Variants in TENM2 observed in about 807,000 individuals in gnomAD.
TENM2 encodes the protein teneurin-2.
TENM2 carries 52 observed loss-of-function variants against 245.2 expected under a neutral mutation model. The observed-to-expected ratio is 0.21, with a 90% CI of 0.17 to 0.27. The LOEUF is 0.27. Among genes scored for constraint, TENM2 ranks in the 10% least tolerant of loss-of-function variants. The pLI is 1.00. For missense variants in TENM2, 3,046 were observed against 3,666.8 expected, an observed-to-expected ratio of 0.83 and a Z score of 4.37; for synonymous variants, 1,363 against 1,438.9, an observed-to-expected ratio of 0.95 and a Z score of 1.19.
intron 2 of TENM2, among the ~76,000 whole-genome samples, chr5:167,623,218 G>C (rs1007047235): frequency 2.0e-5 from 3 of 152,024 alleles, no homozygotes; most frequent in African/African-American, 7.2e-5. Context: ...GAAATAAAAA[G>C]GAGACTGCAT....
chr5:167,265,482 A>T, the TENM2 span, among the ~76,000 whole-genome samples: 3 of 152,036 alleles, frequency 2.0e-5, no homozygotes, highest in African/African-American at 7.2e-5. Context: ...GTGGCTTCTT[A>T]TATTGAGCTT....
At chr5:167,705,190 A>G (rs938338621) in intron 2 of TENM2, among the ~76,000 whole-genome samples, 6 of 152,224 alleles carry the variant, frequency 3.9e-5, no homozygotes, top group African/African-American at 1.4e-4. Flanking sequence ...CTTTGTCCCT[A>G]TAGTAACCCT....
intron 4 of TENM2, among the ~76,000 whole-genome samples, chr5:167,954,525 G>A (rs866315226): frequency 8.5e-5 from 13 of 152,090 alleles, no homozygotes; most frequent in African/African-American, 1.4e-4. Flanking sequence ...GTGCAGGTTC[G>A]TTACATAGGT....
chr5:168,261,999 G>C, intron 28 of TENM2, 50 bp from the exon 31 acceptor site: 2 of 1,565,502 alleles, frequency 1.3e-6, no homozygotes, highest in Non-Finnish European at 8.7e-7. Flanking sequence ...CTTTTTGAGA[G>C]AGCTGCCCAG....
intron 4 of TENM2, among the ~76,000 whole-genome samples, chr5:167,972,320 A>G (rs1781852281): frequency 6.6e-6 from 1 of 152,224 alleles, no homozygotes; most frequent in African/African-American, 2.4e-5. Flanking sequence ...AATCATATAC[A>G]TATCATTTGG....
chr5:167,711,476 C>T (rs888486460), intron 2 of TENM2, among the ~76,000 whole-genome samples: 4 of 152,184 alleles, frequency 2.6e-5, no homozygotes, highest in African/African-American at 7.2e-5. Flanking sequence ...CCATCCTTTT[C>T]GGCCTGGACC....
chr5:168,125,423 T>G (rs1367218295), intron 11 of TENM2, among the ~76,000 whole-genome samples: 3 of 152,188 alleles, frequency 2.0e-5, no homozygotes, highest in Non-Finnish European at 4.4e-5. Context: ...CTCGGGGTGC[T>G]GCGTGAACAT....
chr5:167,463,023 TG>T, intron 2 of TENM2, among the ~76,000 whole-genome samples: 1 of 152,266 alleles, frequency 6.6e-6, no homozygotes, highest in Non-Finnish European at 1.5e-5. Context: ...AAGAGGATAT[TG>T]GATGCTTTTT....
chr5:167,839,781 G>A (rs1206167036), intron 2 of TENM2, among the ~76,000 whole-genome samples: 6 of 152,102 alleles, frequency 3.9e-5, no homozygotes, highest in African/African-American at 1.4e-4. Context: ...ATTTTCCAAT[G>A]TTAGGAAAAA....
At chr5:167,154,324 G>A in the TENM2 span, among the ~76,000 whole-genome samples, 8 of 152,090 alleles carry the variant, frequency 5.3e-5, no homozygotes, top group South Asian at 1.0e-3. Context: ...TACTTTTATC[G>A]TTTACTGGCA....
At chr5:167,762,305 G>A (rs1287403741) in intron 2 of TENM2, among the ~76,000 whole-genome samples, 2 of 152,098 alleles carry the variant, frequency 1.3e-5, no homozygotes, top group African/African-American at 4.8e-5. Flanking sequence ...CTTAGGTGTG[G>A]GAGAACTTAT....
chr5:167,372,261 A>G (rs1282656704), intron 1 of TENM2, among the ~76,000 whole-genome samples: 1 of 152,102 alleles, frequency 6.6e-6, no homozygotes, highest in Non-Finnish European at 1.5e-5. Flanking sequence ...CTTAAAGTGC[A>G]CTTTTTCTTT....
At chr5:168,170,160 A>G (rs879324593) in intron 13 of TENM2, among the ~76,000 whole-genome samples, 2 of 152,162 alleles carry the variant, frequency 1.3e-5, no homozygotes, top group Admixed American at 6.5e-5. Context: ...CTGTTTAGAA[A>G]ACTGTAAGGT....
intron 2 of TENM2, among the ~76,000 whole-genome samples, chr5:167,481,020 C>T (rs548210871): frequency 2.0e-5 from 3 of 152,252 alleles, no homozygotes; most frequent in East Asian, 1.9e-4. Context: ...AATTTCTTTC[C>T]GATTCTACAA....
At chr5:167,236,404 C>A in the TENM2 span, among the ~76,000 whole-genome samples, 1 of 151,962 alleles carries the variant, frequency 6.6e-6, no homozygotes, top group African/African-American at 2.4e-5. Flanking sequence ...TTGAAGTAAC[C>A]TCTGAGAAAG....
chr5:167,983,053 C>T (rs1030543356), intron 4 of TENM2, among the ~76,000 whole-genome samples: 2 of 152,012 alleles, frequency 1.3e-5, no homozygotes, highest in Admixed American at 1.3e-4. Context: ...TAGTGCATAG[C>T]GAATTCAAGG....
intron 2 of TENM2, among the ~76,000 whole-genome samples, chr5:167,430,311 C>T (rs1053652059): frequency 1.5e-4 from 23 of 152,218 alleles, no homozygotes; most frequent in Admixed American, 2.6e-4. Flanking sequence ...CAAACTCGTA[C>T]GGTAGAGATT....
intron 2 of TENM2, among the ~76,000 whole-genome samples, chr5:167,573,638 T>C (rs1015252023): frequency 1.3e-5 from 2 of 151,920 alleles, no homozygotes; most frequent in Non-Finnish European, 2.9e-5. Context: ...ATTCATTGAC[T>C]CTCCTCTCTT....
intron 2 of TENM2, among the ~76,000 whole-genome samples, chr5:167,777,387 C>T (rs148417267): frequency 6.6e-6 from 1 of 152,258 alleles, no homozygotes; most frequent in East Asian, 1.9e-4. Context: ...GCAAATTATT[C>T]ATTTAATTAA....
Sources: gnomAD v4.1 joint callset for allele counts (sites outside exome capture counted in the v4.1 genomes callset) on GRCh38, gnomAD v4.1.1 for gene constraint, MANE v1.5 for transcripts, NCBI Gene and HGNC (gene_info 2026-07-23, HGNC 2026-07-21) for gene names.